RAP1GAP: variants seen among roughly 807,000 people sequenced by gnomAD.
The protein encoded by RAP1GAP is rap1 GTPase-activating protein 1.
Under a neutral mutation model 87.2 loss-of-function variants are expected in RAP1GAP, and 35 were observed. The ratio of observed to expected loss-of-function variants is 0.40; its 90% CI spans 0.31 to 0.53. RAP1GAP has a LOEUF of 0.53. Ranked by LOEUF, RAP1GAP falls within the 20% of genes least tolerant of loss-of-function variation. RAP1GAP has a pLI of 0.48. For synonymous variants in RAP1GAP, 375 were observed against 363.9 expected (o/e 1.03, Z -0.35); for missense variants, 734 against 898.9 (o/e 0.82, Z 2.35).
At chr1:21,651,725 C>T (rs546331428) in intron 1 of RAP1GAP, 48 of 1,465,696 alleles carry the variant, frequency 3.3e-5, no homozygotes, top group Middle Eastern at 3.9e-4. Flanking sequence ...CCCCCCCACG[C>T]GTGCACACGC....
Position 21,614,810 on chromosome 1 carries a change from G to A in RAP1GAP, c.292-721C>T, listed in dbSNP as rs6691974. 9.4e-3 allele frequency among the ~76,000 whole-genome samples: 1,437 copies of A among 152,238 alleles called. 21 individuals are homozygous for A. Among genetic ancestry groups the A allele is most frequent in the African/African-American group, 0.033 (1,373 of 41,544 alleles). On this transcript the variant is annotated intron_variant, in intron 7 of 24. Coordinates refer to ENST00000374765, the MANE Select transcript of RAP1GAP (RefSeq NM_002885.4). ...GGGAGACACCACCCAGCCTGGCCCC[G>A]GGCTCCTCCTGCCAACCTCAGCCCC...
intron 2 of RAP1GAP, among the ~76,000 whole-genome samples, chr1:21,637,707 A>G (rs1010894749): frequency 6.6e-6 from 1 of 152,202 alleles, no homozygotes; most frequent in Non-Finnish European, 1.5e-5. Context: ...CAAACCATGG[A>G]ATACTATACA....
Position 21,626,378 on chromosome 1 carries a change from G to A in RAP1GAP, c.-93C>T, listed in dbSNP as rs2092046982. ...AGGTCTAGTGCCTGAGGGAAGTGCT[G>A]GTTCTGCCCATCGCTCCTCCTGGAA... On this transcript the variant is annotated 5_prime_UTR_variant, in exon 3 of 25. Transcript: ENST00000374765. The A allele has an allele frequency of 1.2e-6, 2 of 1,613,008 alleles. No individual in the cohort carries two copies. The highest frequency in any genetic ancestry group is 2.7e-5 in the African/African-American group (2 of 74,900).
At chr1:21,655,259 A>G (rs1024037660) in intron 1 of RAP1GAP, among the ~76,000 whole-genome samples, 2 of 152,238 alleles carry the variant, frequency 1.3e-5, no homozygotes, top group Non-Finnish European at 2.9e-5. Context: ...TAAGAATTCT[A>G]AAACTAAATG....
At chr1:21,610,363 G>T in intron 13 of RAP1GAP, 88 bp from the exon 14 acceptor site, 1 of 1,371,256 alleles carries the variant, frequency 7.3e-7, no homozygotes, top group Non-Finnish European at 1.0e-6. Context: ...GAGGGTTTGG[G>T]GTAGTCAGAG....
intron 1 of RAP1GAP, among the ~76,000 whole-genome samples, chr1:21,660,352 T>TATATATATATATATATATATATATA (rs1248298305): frequency 2.7e-4 from 23 of 85,924 alleles, no homozygotes; most frequent in Non-Finnish European, 4.9e-4. Flanking sequence ...TATATATTTA[T>TATATATATATATATATATATATATA]TGAGACAGTC....
At chr1:21,607,760 T>A (rs1357187775) in intron 17 of RAP1GAP, among the ~76,000 whole-genome samples, 1 of 151,998 alleles carries the variant, frequency 6.6e-6, no homozygotes, top group African/African-American at 2.4e-5. Flanking sequence ...TCCTTCAAAC[T>A]CTACCCAAGG....
intron 16 of RAP1GAP, 126 bp downstream of exon 16, chr1:21,608,724 T>C: frequency 1.1e-6 from 1 of 915,138 alleles, no homozygotes; most frequent in Non-Finnish European, 1.7e-6. Flanking sequence ...CATCAATCCA[T>C]CCAGCCCCAG....
intron 21 of RAP1GAP, 56 bp downstream of exon 21, chr1:21,599,438 C>T (rs1448244119): frequency 1.0e-5 from 16 of 1,564,632 alleles, no homozygotes; most frequent in Non-Finnish European, 1.3e-5. Flanking sequence ...TCTCCAGGGA[C>T]CAAAGAGCCC....
chr1:21,663,172 C>T (rs2097211471), intron 1 of RAP1GAP, among the ~76,000 whole-genome samples: 6 of 152,214 alleles, frequency 3.9e-5, no homozygotes, highest in Admixed American at 3.9e-4. Context: ...GTCTTTGTCC[C>T]AGCGGCTCTG....
intron 1 of RAP1GAP, among the ~76,000 whole-genome samples, chr1:21,659,541 C>T (rs1320442947): frequency 6.6e-6 from 1 of 152,174 alleles, no homozygotes; most frequent in Non-Finnish European, 1.5e-5. Context: ...CCACTGTGCT[C>T]TCGCCGCCCC....
chr1:21,637,110 T>G (rs1302417282), intron 2 of RAP1GAP, among the ~76,000 whole-genome samples: 5 of 149,828 alleles, frequency 3.3e-5, no homozygotes, highest in Non-Finnish European at 7.4e-5. Context: ...CTGGAGGACC[T>G]CAAGGTGCCT....
intron 16 of RAP1GAP, 105 bp from the exon 17 acceptor site, chr1:21,608,455 T>TGAGTGGG (rs775220829): frequency 2.7e-6 from 4 of 1,456,788 alleles, no homozygotes; most frequent in East Asian, 2.4e-5. Flanking sequence ...CTTCTCTGAA[T>TGAGTGGG]GAGTGGGGAG....
At chr1:21,645,962 T>G (rs1386756935) in intron 2 of RAP1GAP, among the ~76,000 whole-genome samples, 2 of 152,188 alleles carry the variant, frequency 1.3e-5, no homozygotes, top group African/African-American at 4.8e-5. Flanking sequence ...GCTAAAGGCA[T>G]GGGCTCAGAG....
In RAP1GAP at chr1:21,669,301, G is replaced by T. The variant is rs1432171688; in HGVS notation, c.-196C>A. ...TCCTGGGCTCGGCACTCTGGTGCCC[G>T]CGGCCGCCGCTGCAGCTCTGCTCAG... On this transcript the variant is annotated 5_prime_UTR_variant, in exon 1 of 25. Coordinates refer to ENST00000374765, the MANE Select transcript of RAP1GAP (RefSeq NM_002885.4). The surrounding 1 kb of genome is among the most constrained non-coding windows in gnomAD (Gnocchi z 5.6). 1 of 1,173,000 alleles carries T rather than the reference G, an allele frequency of 8.5e-7. No homozygotes were observed. Among genetic ancestry groups the T allele is most frequent in the Admixed American group, 4.5e-5 (1 of 22,442 alleles). 72.7% of individuals were successfully genotyped at this position (1,173,000 alleles called of 1,614,324 possible). A position where few individuals can be genotyped will look rare whatever the true frequency, so the allele number is the denominator to read the frequency against.
At chr1:21,606,975 C>G (rs1227736768) in intron 17 of RAP1GAP, among the ~76,000 whole-genome samples, 1 of 152,228 alleles carries the variant, frequency 6.6e-6, no homozygotes, top group African/African-American at 2.4e-5. Flanking sequence ...CCTGTCCTGT[C>G]TCCAGTCCCC....
chr1:21,615,087 C>T lies in RAP1GAP; in HGVS notation c.292-998G>A, dbSNP rs1030077846. 3.3e-5 allele frequency among the ~76,000 whole-genome samples: 5 copies of T among 152,184 alleles called. No homozygotes were observed. The highest frequency in any genetic ancestry group is 5.9e-5 in the Non-Finnish European group (4 of 68,032). On this transcript the variant is annotated intron_variant, in intron 7 of 24. Transcript: ENST00000374765. The surrounding 1 kb of genome is among the most constrained non-coding windows in gnomAD (Gnocchi z 4.5). Reference sequence around the variant, plus strand: ...CCCCCAAATGCTTGACATCATCCAGCAGAGAGGGAGTGGCAGGCACTTGAT... The same window carrying T: ...CCCCCAAATGCTTGACATCATCCAGTAGAGAGGGAGTGGCAGGCACTTGAT...
At position 21,613,281 on chromosome 1, in the gene RAP1GAP, GAT is replaced by G; in HGVS notation, c.475-54_475-53del. The G allele has an allele frequency of 6.9e-7, 1 of 1,442,708 alleles. No homozygotes were observed. The highest frequency in any genetic ancestry group is 9.8e-7 in the Non-Finnish European group (1 of 1,024,432). The allele number at this position is 1,442,708 out of a possible 1,614,324, so 89.4% of individuals were successfully genotyped here. A position where few individuals can be genotyped will look rare whatever the true frequency, so the allele number is the denominator to read the frequency against. On this transcript the variant is annotated intron_variant, in intron 9 of 24. Transcript: ENST00000374765. This position sits in a 1 kb window ranked among gnomAD's most constrained non-coding sequence, Gnocchi z 4.7. ...TGAGGTGTGGGGCCAGGGAGGAGAG[GAT>G]GGGGCTGCCTGGGCCTCCCTGGTCA...
Position 21,609,687 on chromosome 1 carries a change from G to A in RAP1GAP, c.1000-41C>T, listed in dbSNP as rs201215023. On this transcript the variant is annotated intron_variant, in intron 14 of 24. Coordinates refer to ENST00000374765, the MANE Select transcript of RAP1GAP (RefSeq NM_002885.4). This position sits in a 1 kb window ranked among gnomAD's most constrained non-coding sequence, Gnocchi z 4.4. ...GCTGTCTGTTCCTGTGGAGCCTGGGGTCTGCTCTGCCCCACCCAGCCAGAA... is the reference window on the plus strand; with the variant it reads ...GCTGTCTGTTCCTGTGGAGCCTGGGATCTGCTCTGCCCCACCCAGCCAGAA... 2.0e-6 allele frequency: 3 copies of A among 1,473,482 alleles called. No individual in the cohort carries two copies. Among genetic ancestry groups the A allele is most frequent in the East Asian group, 4.9e-5 (2 of 40,980 alleles). 91.3% of individuals were successfully genotyped at this position (1,473,482 alleles called of 1,614,324 possible).
Sources: allele counts gnomAD v4.1 joint callset (sites outside exome capture counted in the v4.1 genomes callset), GRCh38; gene constraint gnomAD v4.1.1; non-coding constraint Gnocchi (gnomAD v3.1); transcripts MANE v1.5; gene names NCBI Gene and HGNC (gene_info 2026-07-23, HGNC 2026-07-21).